The following CNTN5 variants were observed in gnomAD, a reference collection of about 807,000 sequenced individuals.
CNTN5 encodes the protein contactin 5, also known as contactin-5.
A neutral mutation model predicts 129.1 loss-of-function variants in CNTN5; 77 were observed. The observed-to-expected ratio is 0.60, with a 90% CI of 0.50 to 0.72. The LOEUF (loss-of-function observed/expected upper bound fraction) is 0.72. CNTN5 is among the 30% of genes least tolerant of loss of function. The probability of loss-of-function intolerance (pLI) is 0.00; values close to 1 mark genes in which losing one functional copy is unlikely to be tolerated. For synonymous variants in CNTN5, 509 were observed against 465.6 expected (o/e 1.09, Z -1.20); for missense variants, 1,478 against 1,328.8 (o/e 1.11, Z -1.75).
chr11:99,925,471 A>G (rs1343869838), intron 7 of CNTN5, among the ~76,000 whole-genome samples: 2 of 152,160 alleles, frequency 1.3e-5, no homozygotes, highest in Non-Finnish European at 2.9e-5. Context: ...ACTCTAACAT[A>G]TAGTATATCC....
At chr11:99,531,953 C>A (rs892300491) in intron 2 of CNTN5, among the ~76,000 whole-genome samples, 4 of 152,066 alleles carry the variant, frequency 2.6e-5, no homozygotes, top group Non-Finnish European at 5.9e-5. Flanking sequence ...GTCGGAGAAC[C>A]CACACAGAGT....
intron 2 of CNTN5, among the ~76,000 whole-genome samples, chr11:99,411,159 T>G (rs1228743833): frequency 6.6e-6 from 1 of 152,230 alleles, no homozygotes; most frequent in Non-Finnish European, 1.5e-5. Flanking sequence ...TTTACATAGC[T>G]TAAGTTTTTC....
intron 3 of CNTN5, among the ~76,000 whole-genome samples, chr11:99,802,235 GACAGTT>G (rs1487378840): frequency 1.3e-5 from 2 of 152,178 alleles, no homozygotes; most frequent in African/African-American, 4.8e-5. Context: ...ATGGGTAAGA[GACAGTT>G]ACAGCTAACA....
At chr11:99,243,808 T>A (rs1007287911) in intron 1 of CNTN5, among the ~76,000 whole-genome samples, 2 of 151,298 alleles carry the variant, frequency 1.3e-5, no homozygotes, top group Non-Finnish European at 2.9e-5. Context: ...TCTATGCTGT[T>A]CTATTGGTCT....
At chr11:100,086,002 A>G (rs12577189) in intron 13 of CNTN5, among the ~76,000 whole-genome samples, 20,204 of 151,972 alleles carry the variant, frequency 0.13, 1,667 homozygotes, top group East Asian at 0.31. Context: ...AATTCAGGAC[A>G]CTTTTGGGAA....
chr11:99,662,561 G>A (rs544359470), intron 3 of CNTN5, among the ~76,000 whole-genome samples: 81 of 152,266 alleles, frequency 5.3e-4, no homozygotes, highest in African/African-American at 1.8e-3. Context: ...TAATAAACAC[G>A]TATTTATCTT....
At chr11:100,123,315 CTTTTAT>C (rs906248088) in intron 13 of CNTN5, among the ~76,000 whole-genome samples, 4 of 151,880 alleles carry the variant, frequency 2.6e-5, no homozygotes, top group African/African-American at 9.7e-5. Flanking sequence ...TCAGCACTTT[CTTTTAT>C]ATCTCTATAT....
At chr11:99,532,572 C>G (rs1216535697) in intron 2 of CNTN5, among the ~76,000 whole-genome samples, 2 of 152,138 alleles carry the variant, frequency 1.3e-5, no homozygotes, top group African/African-American at 4.8e-5. Context: ...CCCCAGAATA[C>G]TCACATGTTG....
intron 4 of CNTN5, among the ~76,000 whole-genome samples, chr11:99,825,008 T>C (rs1946909420): frequency 6.6e-6 from 1 of 152,056 alleles, no homozygotes. Context: ...AGTTGGTATA[T>C]AGAGCCCTAT....
chr11:100,128,788 T>G (rs1257034998), intron 13 of CNTN5, among the ~76,000 whole-genome samples: 6 of 151,996 alleles, frequency 3.9e-5, no homozygotes, highest in Non-Finnish European at 7.4e-5. Flanking sequence ...TCTGGGATAC[T>G]TTCCCTCCCC....
chr11:99,217,173 C>T (rs1179185247), intron 1 of CNTN5, among the ~76,000 whole-genome samples: 4 of 152,082 alleles, frequency 2.6e-5, no homozygotes, highest in Non-Finnish European at 4.4e-5. Flanking sequence ...AAGCAAGACT[C>T]CATCTCAAAT....
At chr11:99,260,162 A>C (rs1862563592) in intron 1 of CNTN5, among the ~76,000 whole-genome samples, 1 of 151,790 alleles carries the variant, frequency 6.6e-6, no homozygotes, top group Non-Finnish European at 1.5e-5. Context: ...GATTCCTATT[A>C]TTGCAAACAT....
At chr11:99,773,531 AT>A (rs1205938408) in intron 3 of CNTN5, among the ~76,000 whole-genome samples, 1 of 152,062 alleles carries the variant, frequency 6.6e-6, no homozygotes, top group Non-Finnish European at 1.5e-5. Flanking sequence ...TAGACTGCAA[AT>A]TAATTTTTGA....
intron 13 of CNTN5, among the ~76,000 whole-genome samples, chr11:100,172,846 T>G (rs947654731): frequency 1.3e-5 from 2 of 152,122 alleles, no homozygotes; most frequent in African/African-American, 4.8e-5. Context: ...GTTTGGGTTT[T>G]ATCCTGAATG....
chr11:100,022,717 T>C (rs571950301), intron 9 of CNTN5, among the ~76,000 whole-genome samples: 1 of 152,338 alleles, frequency 6.6e-6, no homozygotes, highest in South Asian at 2.1e-4. Flanking sequence ...CTAATAATTA[T>C]GAATTATTTC....
At chr11:99,427,176 G>A (rs1688959943) in intron 2 of CNTN5, among the ~76,000 whole-genome samples, 1 of 152,134 alleles carries the variant, frequency 6.6e-6, no homozygotes, top group Admixed American at 6.5e-5. Context: ...ATCAGACATA[G>A]GAAAAGTGTG....
At chr11:99,934,873 T>TGA (rs1358459889) in intron 7 of CNTN5, among the ~76,000 whole-genome samples, 2 of 2,084 alleles carry the variant, frequency 9.6e-4, no homozygotes, top group African/African-American at 3.9e-3. Flanking sequence ...AGACTCAGTC[T>TGA]GTGTGTGTGT....
intron 3 of CNTN5, among the ~76,000 whole-genome samples, chr11:99,764,333 T>A (rs957514677): frequency 1.3e-5 from 2 of 151,744 alleles, no homozygotes; most frequent in African/African-American, 4.8e-5. Context: ...GGGTGACTCA[T>A]GGAATTTCAC....
chr11:99,991,444 G>A (rs1591535115), intron 8 of CNTN5, among the ~76,000 whole-genome samples: 1 of 151,884 alleles, frequency 6.6e-6, no homozygotes, highest in Non-Finnish European at 1.5e-5. Context: ...TCCAGCCTGG[G>A]CAACAGAGTG....
Sources: allele counts gnomAD v4.1 joint callset (sites outside exome capture counted in the v4.1 genomes callset), GRCh38; gene constraint gnomAD v4.1.1; transcripts MANE v1.5; gene names NCBI Gene and HGNC (gene_info 2026-07-23, HGNC 2026-07-21).